The following CHL1 variants were observed in gnomAD, a reference collection of about 807,000 sequenced individuals.
The protein encoded by CHL1 is neural cell adhesion molecule L1-like protein.
Under a neutral mutation model 141.9 loss-of-function variants are expected in CHL1, and 96 were observed. The observed-to-expected ratio is 0.68, with a 90% CI of 0.57 to 0.80. The LOEUF (loss-of-function observed/expected upper bound fraction) is 0.80. CHL1 is among the 30% of genes least tolerant of loss of function. CHL1 has a pLI of 0.00. For missense variants in CHL1, 1,820 were observed against 1,457.2 expected (o/e 1.25, Z -4.05); for synonymous variants, 613 against 502.2 (o/e 1.22, Z -2.95).
intron 1 of CHL1, among the ~76,000 whole-genome samples, chr3:234,313 T>G (rs1300756294): frequency 6.6e-6 from 1 of 152,080 alleles, no homozygotes; most frequent in Non-Finnish European, 1.5e-5. Flanking sequence ...ATTATCCACC[T>G]TAACCAATTG....
intron 2 of CHL1, among the ~76,000 whole-genome samples, chr3:262,379 C>T (rs35468942): frequency 1.6e-5 from 1 of 63,820 alleles, no homozygotes. Context: ...CGTTTAAGCC[C>T]AGATCTACAC....
rs755849993 is a variant in CHL1, at chr3:366,050, C to T, written c.1686C>T (p.His562=). The T allele has an allele frequency of 6.2e-7, 1 of 1,613,684 alleles. No individual in the cohort carries two copies. The highest frequency in any genetic ancestry group is 1.3e-5 in the African/African-American group (1 of 74,890). The change falls in exon 15 of 28, where the codon CAC becomes CAT. Residue 562 remains histidine (H), a synonymous_variant. Transcript: ENST00000256509. ...CESKCDSHLK[H]SLKLSWSKDG... is the part of the protein sequence containing the mutation. ...GCAAATGTGACTCACATTTGAAACACAGTTTGAAGTTGTCCTGGAGTAAAG... is the reference window on the plus strand; with the variant it reads ...GCAAATGTGACTCACATTTGAAACATAGTTTGAAGTTGTCCTGGAGTAAAG...
chr3:343,032 G>A lies in CHL1; in HGVS notation c.727+1G>A, dbSNP rs760138606. The stretch of plus-strand genomic sequence containing the variant: ...TCATCCACAGAAATTGGTTCCAAGG[G>A]TAAGTTGAACCCATGTGGAGTGTTG... On this transcript the variant is annotated splice_donor_variant, in intron 8 of 27. Transcript: ENST00000256509. LOFTEE classifies it high-confidence loss of function. 1.9e-6 allele frequency: 3 copies of A among 1,606,076 alleles called. No individual in the cohort carries two copies. The African/African-American group carries it at 4.0e-5, about 22-fold the overall frequency.
intron 2 of CHL1, among the ~76,000 whole-genome samples, chr3:292,927 G>T (rs184613744): frequency 7.9e-4 from 121 of 152,310 alleles, no homozygotes; most frequent in African/African-American, 2.8e-3. Flanking sequence ...CAGGGAGTAC[G>T]TTTCAACAGG....
intron 10 of CHL1, among the ~76,000 whole-genome samples, chr3:351,139 T>C (rs574268882): frequency 3.3e-5 from 5 of 152,168 alleles, no homozygotes; most frequent in Admixed American, 6.6e-5. Context: ...ACAGTTTTCT[T>C]GACTATAAAA....
intron 11 of CHL1, among the ~76,000 whole-genome samples, chr3:359,815 T>C (rs1704048466): frequency 6.6e-6 from 1 of 152,080 alleles, no homozygotes; most frequent in Non-Finnish European, 1.5e-5. Flanking sequence ...ATCAGAAAAC[T>C]GTAGAGAGGC....
chr3:326,521 G>C (rs181659138), intron 4 of CHL1, among the ~76,000 whole-genome samples: 1 of 151,582 alleles, frequency 6.6e-6, no homozygotes, highest in East Asian at 1.9e-4. Context: ...AGTTGTCATA[G>C]AAATATTGTC....
intron 5 of CHL1, among the ~76,000 whole-genome samples, chr3:339,892 T>G (rs917056557): frequency 6.6e-6 from 1 of 152,304 alleles, no homozygotes; most frequent in Admixed American, 6.5e-5. Context: ...TTCCATCAAG[T>G]TGGGACTGTT....
chr3:266,457 A>C lies in CHL1; in HGVS notation c.-95+21765A>C, dbSNP rs554506017. ...CAACAGGCATCATGTTCTTACTTAG[A>C]TTTAAGTTTCTTTGGAATTAATAAA... On this transcript the variant is annotated intron_variant, in intron 2 of 27. Transcript: ENST00000256509. Among the ~76,000 whole-genome samples, 157 of 152,246 alleles carry C rather than the reference A, an allele frequency of 1.0e-3. No homozygotes were observed. In the South Asian group the frequency reaches 0.013, roughly 12 times the overall value.
intron 5 of CHL1, among the ~76,000 whole-genome samples, chr3:340,089 A>G (rs1401883377): frequency 6.6e-6 from 1 of 152,172 alleles, no homozygotes; most frequent in African/African-American, 2.4e-5. Context: ...ATTCTGCACA[A>G]TTCTGACTTA....
chr3:251,219 T>C (rs1693666137), intron 2 of CHL1, among the ~76,000 whole-genome samples: 1 of 152,098 alleles, frequency 6.6e-6, no homozygotes, highest in African/African-American at 2.4e-5. Flanking sequence ...CTTTCATTTT[T>C]CTTGAGATAG....
intron 3 of CHL1, 144 bp from the exon 4 acceptor site, chr3:325,815 G>A: frequency 1.9e-6 from 1 of 520,332 alleles, no homozygotes; most frequent in Non-Finnish European, 3.4e-6. Context: ...GTTGCAAAGA[G>A]AGAGTGAGAT....
chr3:343,042 C>G lies in CHL1; in HGVS notation c.727+11C>G. On this transcript the variant is annotated intron_variant, in intron 8 of 27. Coordinates refer to ENST00000256509, the MANE Select transcript of CHL1 (RefSeq NM_006614.4). ...AAATTGGTTCCAAGGGTAAGTTGAA[C>G]CCATGTGGAGTGTTGGCATTTGTGT... The G allele has an allele frequency of 1.2e-6, 2 of 1,604,232 alleles. No individual in the cohort carries two copies. Among genetic ancestry groups the G allele is most frequent in the Non-Finnish European group, 1.7e-6 (2 of 1,175,554 alleles).
intron 1 of CHL1, among the ~76,000 whole-genome samples, chr3:221,528 C>T (rs183923041): frequency 1.3e-5 from 2 of 152,166 alleles, no homozygotes; most frequent in Non-Finnish European, 2.9e-5. Context: ...ATCCCTTTTA[C>T]TTTTAATATC....
intron 1 of CHL1, among the ~76,000 whole-genome samples, chr3:230,024 A>C (rs1219616534): frequency 6.6e-6 from 1 of 152,178 alleles, no homozygotes; most frequent in Non-Finnish European, 1.5e-5. Flanking sequence ...ATAGTATTAT[A>C]AAGGCCCAAT....
chr3:400,038 T>A (rs903518814), intron 26 of CHL1, among the ~76,000 whole-genome samples: 1 of 152,230 alleles, frequency 6.6e-6, no homozygotes, highest in Non-Finnish European at 1.5e-5. Context: ...TTGTTTTGTC[T>A]TTTTCAGATA....
intron 5 of CHL1, among the ~76,000 whole-genome samples, chr3:338,085 C>T (rs950393812): frequency 3.9e-5 from 6 of 152,066 alleles, no homozygotes; most frequent in African/African-American, 1.2e-4. Context: ...AGGATGGTCT[C>T]GATCTCCTGA....
chr3:261,243 T>C (rs1312528097), intron 2 of CHL1, among the ~76,000 whole-genome samples: 1 of 151,658 alleles, frequency 6.6e-6, no homozygotes, highest in Non-Finnish European at 1.5e-5. Context: ...TACTAATTTA[T>C]TTTTTTTACC....
chr3:227,397 C>A (rs559956924), intron 1 of CHL1, among the ~76,000 whole-genome samples: 14 of 152,244 alleles, frequency 9.2e-5, no homozygotes, highest in Non-Finnish European at 2.1e-4. Context: ...TGACTCTGAG[C>A]AAAAGAGGGA....
Sources: allele counts gnomAD v4.1 joint callset (sites outside exome capture counted in the v4.1 genomes callset), GRCh38; gene constraint gnomAD v4.1.1; transcripts MANE v1.5; gene names NCBI Gene and HGNC (gene_info 2026-07-23, HGNC 2026-07-21).